The following KCNH7 variants were observed in gnomAD, a reference collection of about 807,000 sequenced individuals.
The protein encoded by KCNH7 is voltage-gated inwardly rectifying potassium channel KCNH7.
Under a neutral mutation model 120.8 loss-of-function variants are expected in KCNH7, and 49 were observed. The observed-to-expected ratio is 0.41, with a 90% CI of 0.32 to 0.51. KCNH7 has a LOEUF of 0.51. KCNH7 is among the 20% of genes least tolerant of loss of function. The pLI is 0.38. For synonymous variants in KCNH7, 547 were observed against 516.1 expected (o/e 1.06, Z -0.81); for missense variants, 1,097 against 1,446.6 (o/e 0.76, Z 3.92).
chr2:162,689,382 C>G (rs1686021580), intron 2 of KCNH7, among the ~76,000 whole-genome samples: 1 of 151,970 alleles, frequency 6.6e-6, no homozygotes, highest in South Asian at 2.1e-4. Flanking sequence ...AAACTCTTGA[C>G]CTCAGGTGAT....
rs562669095 is a variant in KCNH7 at position 162,563,244 on chromosome 2, G to C, written c.308-26164C>G. On this transcript the variant is annotated intron_variant, in intron 2 of 15. Transcript: ENST00000332142. ...CAATTAATTCTAACTCCCTTGTTGGGGGTTTGCAGCATGAAATCATATAAT... is the reference window on the plus strand; with the variant it reads ...CAATTAATTCTAACTCCCTTGTTGGCGGTTTGCAGCATGAAATCATATAAT... Among the ~76,000 whole-genome samples, 4 of 152,220 alleles carry C rather than the reference G, an allele frequency of 2.6e-5. No individual in the cohort carries two copies. The East Asian group carries it at 7.7e-4, about 29-fold the overall frequency.
At chr2:162,722,596 T>C (rs1687355484) in intron 2 of KCNH7, among the ~76,000 whole-genome samples, 1 of 152,094 alleles carries the variant, frequency 6.6e-6, no homozygotes, top group South Asian at 2.1e-4. Context: ...GGGTTCATCT[T>C]ACTTGTGATC....
intron 2 of KCNH7, among the ~76,000 whole-genome samples, chr2:162,623,774 G>A (rs1209271172): frequency 6.6e-6 from 1 of 152,168 alleles, no homozygotes. Flanking sequence ...AGCAGTGAAT[G>A]CGCCTGGTAC....
intron 2 of KCNH7, among the ~76,000 whole-genome samples, chr2:162,685,786 G>A (rs1685869422): frequency 6.6e-6 from 1 of 151,628 alleles, no homozygotes; most frequent in Non-Finnish European, 1.5e-5. Context: ...AGGAAGAAAT[G>A]TGTCAGGTCC....
At chr2:162,739,338 A>G (rs759634462) in intron 2 of KCNH7, among the ~76,000 whole-genome samples, 12 of 152,158 alleles carry the variant, frequency 7.9e-5, no homozygotes, top group Non-Finnish European at 1.2e-4. Context: ...CCTAATGTCA[A>G]CTGTCTACTC....
chr2:162,646,714 G>A (rs1263275764), intron 2 of KCNH7, among the ~76,000 whole-genome samples: 1 of 152,122 alleles, frequency 6.6e-6, no homozygotes, highest in Admixed American at 6.5e-5. Flanking sequence ...TGATTTCTAG[G>A]AGCAGACAGC....
At chr2:162,618,559 A>G (rs1683230186) in intron 2 of KCNH7, among the ~76,000 whole-genome samples, 1 of 152,198 alleles carries the variant, frequency 6.6e-6, no homozygotes, top group Non-Finnish European at 1.5e-5. Context: ...TTACTTTGGC[A>G]AAATGAAATA....
chr2:162,745,253 C>G (rs1032927147), intron 2 of KCNH7, among the ~76,000 whole-genome samples: 1 of 152,130 alleles, frequency 6.6e-6, no homozygotes, highest in Non-Finnish European at 1.5e-5. Flanking sequence ...AGCCATTTGT[C>G]GATTCAATCT....
chr2:162,429,381 G>GTTTTTTTTTT (rs1158431426), intron 8 of KCNH7, among the ~76,000 whole-genome samples: 29 of 43,380 alleles, frequency 6.7e-4, no homozygotes, highest in African/African-American at 3.9e-3. Flanking sequence ...TGAGGAAAAA[G>GTTTTTTTTTT]TCTTTTTTTT....
At chr2:162,711,284 TAC>T (rs1384613716) in intron 2 of KCNH7, among the ~76,000 whole-genome samples, 1 of 152,220 alleles carries the variant, frequency 6.6e-6, no homozygotes, top group East Asian at 1.9e-4. Context: ...TTTTGAAAGG[TAC>T]TGTATTTTTA....
intron 2 of KCNH7, among the ~76,000 whole-genome samples, chr2:162,789,644 T>A (rs1471949091): frequency 6.6e-6 from 1 of 151,946 alleles, no homozygotes; most frequent in African/African-American, 2.4e-5. Context: ...AAGGTTGAAA[T>A]CATGTCTAGG....
intron 4 of KCNH7, among the ~76,000 whole-genome samples, chr2:162,516,875 C>T (rs1691314849): frequency 6.6e-6 from 1 of 151,690 alleles, no homozygotes; most frequent in African/African-American, 2.4e-5. Flanking sequence ...TAACCTTAGT[C>T]TAGTTATTTA....
chr2:162,553,511 T>A (rs1046806054), intron 2 of KCNH7, among the ~76,000 whole-genome samples: 1 of 151,934 alleles, frequency 6.6e-6, no homozygotes, highest in Non-Finnish European at 1.5e-5. Flanking sequence ...TAGCGGGGTG[T>A]GGTGGCGGGC....
intron 2 of KCNH7, among the ~76,000 whole-genome samples, chr2:162,825,950 G>GT (rs980216116): frequency 3.3e-5 from 5 of 150,432 alleles, no homozygotes; most frequent in African/African-American, 1.2e-4. Context: ...TAAGATTATG[G>GT]TTTTTTTTCT....
intron 7 of KCNH7, among the ~76,000 whole-genome samples, chr2:162,438,060 T>A (rs1177188733): frequency 6.6e-6 from 1 of 152,204 alleles, no homozygotes; most frequent in South Asian, 2.1e-4. Flanking sequence ...TTGAGAATTA[T>A]GGTTAAAATT....
chr2:162,373,716 G>T, intron 14 of KCNH7, 54 bp from the exon 15 acceptor site: 1 of 1,286,192 alleles, frequency 7.8e-7, no homozygotes, highest in Non-Finnish European at 1.0e-6. Context: ...CAGAATTTCA[G>T]GAGCATTTAA....
chr2:162,640,325 T>G (rs945146256), intron 2 of KCNH7, among the ~76,000 whole-genome samples: 4 of 152,152 alleles, frequency 2.6e-5, no homozygotes, highest in Non-Finnish European at 5.9e-5. Flanking sequence ...TAATCAAGAT[T>G]GCATGTTATT....
intron 2 of KCNH7, among the ~76,000 whole-genome samples, chr2:162,544,088 A>T (rs1692399977): frequency 1.3e-5 from 2 of 152,228 alleles, no homozygotes; most frequent in Admixed American, 6.5e-5. Flanking sequence ...CCCTTTTATC[A>T]TGTAATAGGT....
chr2:162,672,995 T>C (rs899118310), intron 2 of KCNH7, among the ~76,000 whole-genome samples: 1 of 151,996 alleles, frequency 6.6e-6, no homozygotes, highest in African/African-American at 2.4e-5. Context: ...CTTATCTAAA[T>C]TGATTTAAGA....
Sources: gnomAD v4.1 joint callset for allele counts (sites outside exome capture counted in the v4.1 genomes callset) on GRCh38, gnomAD v4.1.1 for gene constraint, MANE v1.5 for transcripts, NCBI Gene and HGNC (gene_info 2026-07-23, HGNC 2026-07-21) for gene names.